The following GALNT14 variants were observed in gnomAD, a reference collection of about 807,000 sequenced individuals.
The protein encoded by GALNT14 is UDP-GalNAc:polypeptide N-acetylgalactosaminyltransferase 14.
A neutral mutation model predicts 77.5 loss-of-function variants in GALNT14; 60 were observed. The observed-to-expected ratio is 0.77, with a 90% CI of 0.63 to 0.96. The LOEUF (loss-of-function observed/expected upper bound fraction) is 0.96, where lower values mean the gene tolerates loss of function less well. GALNT14 is among the 40% of genes least tolerant of loss of function. The pLI is 0.00. For synonymous variants in GALNT14, 280 were observed against 281.7 expected, an observed-to-expected ratio of 0.99 and a Z score of 0.06; for missense variants, 710 against 731.0, an observed-to-expected ratio of 0.97 and a Z score of 0.33.
the GALNT14 span, among the ~76,000 whole-genome samples, chr2:30,905,202 C>T: frequency 6.6e-6 from 1 of 152,302 alleles, no homozygotes; most frequent in South Asian, 2.1e-4. Context: ...CAGAACAAAG[C>T]TGGATGGAGA....
At chr2:30,948,345 T>C (rs144733029) in intron 6 of GALNT14, among the ~76,000 whole-genome samples, 87 of 152,328 alleles carry the variant, frequency 5.7e-4, no homozygotes, top group African/African-American at 1.9e-3. Context: ...CCCCTTGGAA[T>C]GTCCTGCCTA....
intron 2 of GALNT14, among the ~76,000 whole-genome samples, chr2:30,989,560 T>TATATATATATATATATATATA (rs1669525579): frequency 1.4e-4 from 12 of 87,096 alleles, no homozygotes; most frequent in African/African-American, 5.4e-4. Context: ...GGTAAATACC[T>TATATATATATATATATATATA]TATATATATA....
chr2:30,887,281 T>A, the GALNT14 span, among the ~76,000 whole-genome samples: 1 of 152,234 alleles, frequency 6.6e-6, no homozygotes, highest in African/African-American at 2.4e-5. Context: ...ATGTTTAACT[T>A]TTTGAGAAAC....
At chr2:31,048,863 C>T (rs1406513700) in intron 1 of GALNT14, among the ~76,000 whole-genome samples, 1 of 152,124 alleles carries the variant, frequency 6.6e-6, no homozygotes, top group Non-Finnish European at 1.5e-5. Flanking sequence ...CTGAACTTGA[C>T]TTCCCTACCA....
intron 1 of GALNT14, among the ~76,000 whole-genome samples, chr2:31,000,588 A>T (rs182959710): frequency 7.9e-5 from 12 of 152,240 alleles, no homozygotes; most frequent in Admixed American, 5.9e-4. Context: ...CTGGAGACCC[A>T]GGGAAGAGCT....
At chr2:31,058,187 C>T (rs934244669) in intron 1 of GALNT14, among the ~76,000 whole-genome samples, 2 of 152,222 alleles carry the variant, frequency 1.3e-5, no homozygotes, top group South Asian at 2.1e-4. Flanking sequence ...CTGTTTCCTA[C>T]AGGTATCCCA....
At chr2:31,111,349 G>A (rs752429254) in intron 1 of GALNT14, among the ~76,000 whole-genome samples, 11 of 152,338 alleles carry the variant, frequency 7.2e-5, no homozygotes, top group Admixed American at 5.9e-4. Context: ...CTTAGGCTTC[G>A]TTGCCATAAT....
At position 31,105,537 on chromosome 2, in the gene GALNT14, C is replaced by A. The variant is rs969062869; in HGVS notation, c.129+32421G>T. The stretch of plus-strand genomic sequence containing the variant: ...GGTCAGGAGTTCGAGACCAGCCTGG[C>A]CAACATGGTAAAACCCCATCTCTAC... On this transcript the variant is annotated intron_variant, in intron 1 of 14. Coordinates refer to ENST00000349752, the MANE Select transcript of GALNT14 (RefSeq NM_024572.4). Among the ~76,000 whole-genome samples, 5 of 152,064 alleles carry A rather than the reference C, an allele frequency of 3.3e-5. No individual in the cohort carries two copies. The East Asian group carries it at 5.8e-4, about 18-fold the overall frequency.
intron 14 of GALNT14, among the ~76,000 whole-genome samples, chr2:30,911,380 T>G (rs944808575): frequency 2.0e-5 from 3 of 152,094 alleles, no homozygotes; most frequent in Admixed American, 6.5e-5. Flanking sequence ...CGATCCACAC[T>G]CAGCATCTGC....
intron 9 of GALNT14, 98 bp downstream of exon 9, chr2:30,942,103 T>G (rs1475444282): frequency 1.3e-6 from 1 of 778,698 alleles, no homozygotes. Context: ...TGTCACTCTC[T>G]GACAGCTTGG....
At chr2:31,021,504 C>T (rs1490025602) in intron 1 of GALNT14, among the ~76,000 whole-genome samples, 1 of 151,862 alleles carries the variant, frequency 6.6e-6, no homozygotes, top group Non-Finnish European at 1.5e-5. Context: ...CAGGGTTTTG[C>T]CATGTTGGTC....
chr2:31,011,361 T>G (rs1037084750), intron 1 of GALNT14, among the ~76,000 whole-genome samples: 4 of 152,218 alleles, frequency 2.6e-5, no homozygotes, highest in Non-Finnish European at 4.4e-5. Flanking sequence ...CAGTAAGAGC[T>G]GACTTTTAGA....
chr2:30,927,142 C>T (rs909980353), intron 11 of GALNT14, among the ~76,000 whole-genome samples: 2 of 152,162 alleles, frequency 1.3e-5, no homozygotes, highest in Non-Finnish European at 2.9e-5. Flanking sequence ...GGTTCCCAAA[C>T]TTGTCCCCAT....
Position 31,017,510 on chromosome 2 carries a change from A to G in GALNT14, c.130-24503T>C, listed in dbSNP as rs559023570. Among the ~76,000 whole-genome samples, 5 of 152,346 alleles carry G rather than the reference A, an allele frequency of 3.3e-5. No homozygotes were observed. The East Asian group carries it at 5.8e-4, about 18-fold the overall frequency. On this transcript the variant is annotated intron_variant, in intron 1 of 14. Coordinates refer to ENST00000349752, the MANE Select transcript of GALNT14 (RefSeq NM_024572.4). ...TTACCTGCAGGGGATCCAGGTTCTT[A>G]GATAGATTAATGAAGTAAAGGGTTT...
At chr2:31,076,931 T>C (rs1270541017) in intron 1 of GALNT14, among the ~76,000 whole-genome samples, 2 of 152,164 alleles carry the variant, frequency 1.3e-5, no homozygotes, top group Non-Finnish European at 2.9e-5. Flanking sequence ...TCCAGTGCCT[T>C]GTACAAGTGC....
chr2:31,041,717 T>G (rs1404230125), intron 1 of GALNT14, among the ~76,000 whole-genome samples: 1 of 152,064 alleles, frequency 6.6e-6, no homozygotes, highest in African/African-American at 2.4e-5. Context: ...GGGGTTTCCT[T>G]GAATTGCTGA....
At chr2:31,107,992 G>A (rs140682786) in intron 1 of GALNT14, among the ~76,000 whole-genome samples, 11 of 152,194 alleles carry the variant, frequency 7.2e-5, no homozygotes, top group East Asian at 5.8e-4. Context: ...ACACACTCAC[G>A]CTGAAACACA....
At chr2:31,126,646 A>G (rs1423562357) in intron 1 of GALNT14, 1 of 152,346 alleles carries the variant, frequency 6.6e-6, no homozygotes, top group East Asian at 1.9e-4. Context: ...GCTCACTCAC[A>G]TCACATAATT....
intron 11 of GALNT14, among the ~76,000 whole-genome samples, chr2:30,927,317 C>A (rs184658254): frequency 2.0e-5 from 3 of 152,168 alleles, no homozygotes; most frequent in Admixed American, 1.3e-4. Flanking sequence ...CTTGGTAGAA[C>A]CTTGCTCCTC....
Sources: allele counts gnomAD v4.1 joint callset (sites outside exome capture counted in the v4.1 genomes callset), GRCh38; gene constraint gnomAD v4.1.1; transcripts MANE v1.5; gene names NCBI Gene and HGNC (gene_info 2026-07-23, HGNC 2026-07-21).